HS6ST3: variants seen among roughly 807,000 people sequenced by gnomAD.
HS6ST3 encodes the protein heparan sulfate 6-O-sulfotransferase 3.
Under a neutral mutation model 36.7 loss-of-function variants are expected in HS6ST3, and 12 were observed. That is an observed-to-expected ratio of 0.33 (90% CI 0.21 to 0.53). The LOEUF is 0.53. Ranked by LOEUF, HS6ST3 falls within the 20% of genes least tolerant of loss-of-function variation. The pLI is 0.95. For missense variants in HS6ST3, 584 were observed against 640.9 expected (o/e 0.91, Z 0.96); for synonymous variants, 240 against 257.5 (o/e 0.93, Z 0.65).
At chr13:96,274,839 T>TCACACACACACA (rs60430769) in intron 1 of HS6ST3, among the ~76,000 whole-genome samples, 23 of 126,182 alleles carry the variant, frequency 1.8e-4, no homozygotes, top group Non-Finnish European at 3.3e-4. Context: ...ACTTAGTCCT[T>TCACACACACACA]CACACACACA....
chr13:96,628,990 A>G (rs183229433), intron 1 of HS6ST3, among the ~76,000 whole-genome samples: 107 of 151,820 alleles, frequency 7.0e-4, no homozygotes, highest in Non-Finnish European at 1.3e-3. Flanking sequence ...TTCAACTCTT[A>G]TTCATTTTCT....
intron 1 of HS6ST3, among the ~76,000 whole-genome samples, chr13:96,093,247 A>G (rs946532057): frequency 2.6e-5 from 4 of 152,224 alleles, no homozygotes; most frequent in Admixed American, 6.5e-5. Context: ...TCCCAGGTTC[A>G]TAAAAGTCTT....
chr13:96,333,643 CA>C (rs1435773424), intron 1 of HS6ST3, among the ~76,000 whole-genome samples: 1 of 152,088 alleles, frequency 6.6e-6, no homozygotes, highest in Non-Finnish European at 1.5e-5. Context: ...GAGTTATATA[CA>C]GGGTAGAAGA....
chr13:96,788,579 A>T (rs894707141), intron 1 of HS6ST3, among the ~76,000 whole-genome samples: 12 of 151,898 alleles, frequency 7.9e-5, no homozygotes, highest in Non-Finnish European at 1.8e-4. Context: ...GGTGTTTTCA[A>T]TTCTACATCC....
chr13:96,210,050 AT>A (rs1444559083), intron 1 of HS6ST3, among the ~76,000 whole-genome samples: 1 of 152,162 alleles, frequency 6.6e-6, no homozygotes, highest in Non-Finnish European at 1.5e-5. Flanking sequence ...GTGAATTATT[AT>A]TGAGTGATTG....
intron 1 of HS6ST3, among the ~76,000 whole-genome samples, chr13:96,689,602 CTTTCTT>C (rs1286689015): frequency 3.3e-4 from 9 of 27,218 alleles, no homozygotes; most frequent in African/African-American, 8.2e-4. Context: ...TGCTTTCTTT[CTTTCTT>C]TTTTTTTTTT....
intron 1 of HS6ST3, among the ~76,000 whole-genome samples, chr13:96,201,644 A>G (rs528478430): frequency 1.2e-4 from 19 of 152,298 alleles, no homozygotes; most frequent in African/African-American, 4.3e-4. Context: ...GAAGAATTCT[A>G]AAGAATGAGC....
chr13:96,159,723 A>G lies in HS6ST3; in HGVS notation c.707+68154A>G, dbSNP rs560165765. 7.9e-4 allele frequency among the ~76,000 whole-genome samples: 120 copies of G among 152,364 alleles called. 1 individual carries two copies. Among genetic ancestry groups the G allele is most frequent in the African/African-American group, 2.6e-3 (107 of 41,580 alleles). On this transcript the variant is annotated intron_variant, in intron 1 of 1. Coordinates refer to ENST00000376705, the MANE Select transcript of HS6ST3 (RefSeq NM_153456.4). ...GGTATTAATATCTAATGTTCATTGT[A>G]TGAGGTCAAACCATTTGACTAATTT...
chr13:96,455,839 G>T (rs1181230395), intron 1 of HS6ST3, among the ~76,000 whole-genome samples: 1 of 152,112 alleles, frequency 6.6e-6, no homozygotes, highest in Admixed American at 6.6e-5. Context: ...TTTGATGCTG[G>T]CTCTATAATG....
At chr13:96,637,293 G>C (rs1303042197) in intron 1 of HS6ST3, among the ~76,000 whole-genome samples, 1 of 152,104 alleles carries the variant, frequency 6.6e-6, no homozygotes, top group Non-Finnish European at 1.5e-5. Context: ...TCTATGTAAG[G>C]AGCATTTGTT....
intron 1 of HS6ST3, among the ~76,000 whole-genome samples, chr13:96,445,090 C>A (rs1440892878): frequency 1.3e-5 from 2 of 152,080 alleles, no homozygotes; most frequent in African/African-American, 2.4e-5. Context: ...AATTACCCTG[C>A]ATTAGAGATG....
At chr13:96,439,071 G>GA (rs1405123558) in intron 1 of HS6ST3, among the ~76,000 whole-genome samples, 10 of 109,756 alleles carry the variant, frequency 9.1e-5, no homozygotes, top group Admixed American at 3.7e-4. Context: ...TGTCTCAAAA[G>GA]AAAAAAAAAA....
chr13:96,836,972 A>G lies in HS6ST3; in HGVS notation c.*3774A>G, dbSNP rs1422620744. On this transcript the variant is annotated 3_prime_UTR_variant, in exon 2 of 2. Coordinates refer to ENST00000376705, the MANE Select transcript of HS6ST3 (RefSeq NM_153456.4). ...CCATCACATTTACATTTAAGATAGT[A>G]GAGAGGAAGTGGAGGGAAGTTGCAC... 6.6e-6 allele frequency: 1 copy of G among 152,216 alleles called. No homozygotes were observed. The highest frequency in any genetic ancestry group is 2.4e-5 in the African/African-American group (1 of 41,444). 9.4% of individuals were successfully genotyped at this position (152,216 alleles called of 1,614,324 possible).
At chr13:96,341,902 G>A (rs975041313) in intron 1 of HS6ST3, among the ~76,000 whole-genome samples, 1 of 152,082 alleles carries the variant, frequency 6.6e-6, no homozygotes, top group African/African-American at 2.4e-5. Context: ...ACTATAAAGA[G>A]TTATTTAGTG....
intron 1 of HS6ST3, among the ~76,000 whole-genome samples, chr13:96,126,198 C>T (rs1180593992): frequency 6.6e-6 from 1 of 152,144 alleles, no homozygotes; most frequent in African/African-American, 2.4e-5. Context: ...GCTAGTCAGC[C>T]CCCTTCTTGA....
chr13:96,313,408 T>C (rs2054951593), intron 1 of HS6ST3, among the ~76,000 whole-genome samples: 1 of 151,978 alleles, frequency 6.6e-6, no homozygotes, highest in Admixed American at 6.6e-5. Flanking sequence ...GCTCCAGAGC[T>C]ACCTCTTTGG....
At chr13:96,163,222 ATTTTTTTTT>A (rs147731415) in intron 1 of HS6ST3, among the ~76,000 whole-genome samples, 18 of 79,076 alleles carry the variant, frequency 2.3e-4, no homozygotes, top group East Asian at 1.9e-3. Context: ...TCTGAGATAC[ATTTTTTTTT>A]TTTTTTTTTT....
At chr13:96,374,312 T>C (rs1261463502) in intron 1 of HS6ST3, among the ~76,000 whole-genome samples, 1 of 152,232 alleles carries the variant, frequency 6.6e-6, no homozygotes, top group Non-Finnish European at 1.5e-5. Flanking sequence ...TTTTTGAAGT[T>C]ATTTTTAATG....
intron 1 of HS6ST3, among the ~76,000 whole-genome samples, chr13:96,180,373 T>C (rs1296569749): frequency 6.6e-6 from 1 of 152,226 alleles, no homozygotes; most frequent in Non-Finnish European, 1.5e-5. Flanking sequence ...CTCTTTCTTC[T>C]CTGATCCTAG....
Sources: allele counts gnomAD v4.1 joint callset (sites outside exome capture counted in the v4.1 genomes callset), GRCh38; gene constraint gnomAD v4.1.1; transcripts MANE v1.5; gene names NCBI Gene and HGNC (gene_info 2026-07-23, HGNC 2026-07-21).